Variants in HDAC9 observed in about 807,000 individuals in gnomAD.
The protein encoded by HDAC9 is MEF-2 interacting transcription repressor (MITR) protein.
HDAC9 carries 41 observed loss-of-function variants against 139.4 expected under a neutral mutation model. The observed-to-expected ratio is 0.29, with a 90% CI of 0.23 to 0.38. The LOEUF is 0.38. HDAC9 is among the 10% of genes least tolerant of loss of function. The probability of loss-of-function intolerance (pLI) is 1.00; values close to 1 mark genes in which losing one functional copy is unlikely to be tolerated. For missense variants in HDAC9, 1,147 were observed against 1,297.0 expected (o/e 0.88, Z 1.78); for synonymous variants, 517 against 476.2 (o/e 1.09, Z -1.12).
chr7:18,587,824 A>G (rs1476420927), intron 3 of HDAC9, among the ~76,000 whole-genome samples: 1 of 152,204 alleles, frequency 6.6e-6, no homozygotes, highest in Non-Finnish European at 1.5e-5. Context: ...AACCTCATTC[A>G]TGCAATCTTT....
At chr7:18,184,569 G>T (rs1178334) in intron 2 of HDAC9, among the ~76,000 whole-genome samples, 3 of 152,148 alleles carry the variant, frequency 2.0e-5, no homozygotes, top group Admixed American at 1.3e-4. Context: ...CTGAGGTAAG[G>T]TGAGGAATTT....
rs766231501 is a variant in HDAC9, at chr7:18,998,655, G to A, written c.*2593G>A. ...CTTTTTGAAAGGGTAGTTTCACTTG[G>A]TATAGTTTTTCTTCACTTACCCGTT... On this transcript the variant is annotated 3_prime_UTR_variant, in exon 26 of 26. Coordinates refer to ENST00000686413, the MANE Select transcript of HDAC9 (RefSeq NM_178425.4). 1 of 152,138 alleles carries A rather than the reference G, an allele frequency of 6.6e-6. No individual in the cohort carries two copies. Among genetic ancestry groups the A allele is most frequent in the East Asian group, 1.9e-4 (1 of 5,188 alleles). 9.4% of individuals were successfully genotyped at this position (152,138 alleles called of 1,614,324 possible).
At chr7:18,470,731 A>G (rs2128119479) in intron 1 of HDAC9, among the ~76,000 whole-genome samples, 1 of 152,300 alleles carries the variant, frequency 6.6e-6, no homozygotes, top group African/African-American at 2.4e-5. Flanking sequence ...GAATAGGCGG[A>G]AGGTTGAATT....
At chr7:18,482,417 A>AAAAAAAAAC in intron 1 of HDAC9, among the ~76,000 whole-genome samples, 1 of 139,596 alleles carries the variant, frequency 7.2e-6, no homozygotes, top group Non-Finnish European at 1.5e-5. Context: ...AAAAAAAAAA[A>AAAAAAAAAC]TTCTCCTTGG....
At chr7:18,867,156 G>A (rs1798558438) in intron 21 of HDAC9, among the ~76,000 whole-genome samples, 1 of 152,186 alleles carries the variant, frequency 6.6e-6, no homozygotes, top group Non-Finnish European at 1.5e-5. Context: ...GAGACATGCA[G>A]GGAAGAAGGA....
chr7:18,318,957 T>G (rs940279548), intron 1 of HDAC9, among the ~76,000 whole-genome samples: 10 of 152,128 alleles, frequency 6.6e-5, no homozygotes, highest in African/African-American at 2.2e-4. Context: ...ATCCAAGAAA[T>G]GCAGTATCTC....
chr7:18,234,492 AAGC>A (rs1233669566), intron 2 of HDAC9, among the ~76,000 whole-genome samples: 2 of 152,198 alleles, frequency 1.3e-5, no homozygotes, highest in African/African-American at 4.8e-5. Context: ...TATTAATAAA[AAGC>A]AGCTAACCTT....
chr7:18,186,607 TGGGAAGCCA>T (rs1401822281), intron 2 of HDAC9, among the ~76,000 whole-genome samples: 2 of 152,114 alleles, frequency 1.3e-5, no homozygotes, highest in African/African-American at 4.8e-5. Context: ...ATGTCAGGAG[TGGGAAGCCA>T]GGAAAATTTG....
intron 16 of HDAC9, among the ~76,000 whole-genome samples, chr7:18,770,572 G>C (rs1032413253): frequency 6.6e-6 from 1 of 152,132 alleles, no homozygotes; most frequent in Non-Finnish European, 1.5e-5. Context: ...AGGACGAGCA[G>C]GCTTTTATGA....
At chr7:18,882,364 C>T (rs1799801240) in intron 22 of HDAC9, among the ~76,000 whole-genome samples, 1 of 151,956 alleles carries the variant, frequency 6.6e-6, no homozygotes. Flanking sequence ...GAATTGTATT[C>T]AGGGAAGTCA....
chr7:18,882,594 C>G lies in HDAC9; in HGVS notation c.2803+7998C>G, dbSNP rs182660482. On this transcript the variant is annotated intron_variant, in intron 22 of 25. Coordinates refer to ENST00000686413, the MANE Select transcript of HDAC9 (RefSeq NM_178425.4). Reference sequence around the variant, plus strand: ...GGTATTGGAAAATATTTGTTCGGATCTCAAATATGTTTCTCACTAATTTTG... The same window carrying G: ...GGTATTGGAAAATATTTGTTCGGATGTCAAATATGTTTCTCACTAATTTTG... Among the ~76,000 whole-genome samples, 503 of 151,194 alleles carry G rather than the reference C, an allele frequency of 3.3e-3. 2 individuals carry two copies. Among genetic ancestry groups the G allele is most frequent in the African/African-American group, 0.012 (483 of 41,150 alleles).
rs183241888 is a variant in HDAC9 at position 18,516,172 on chromosome 7, G to A, written c.22+19848G>A. On this transcript the variant is annotated intron_variant, in intron 2 of 25. Coordinates refer to ENST00000686413, the MANE Select transcript of HDAC9 (RefSeq NM_178425.4). ...TGCCTGCGGGCCTCTTTCTAGTAGG[G>A]CCACATTGTGTCATCCTAATTTATT... 8.5e-5 allele frequency among the ~76,000 whole-genome samples: 13 copies of A among 152,202 alleles called. No homozygotes were observed. In the East Asian group the frequency reaches 2.5e-3, roughly 29 times the overall value.
At chr7:18,762,351 A>T (rs1789465035) in intron 15 of HDAC9, 74 bp downstream of exon 15, 2 of 1,543,874 alleles carry the variant, frequency 1.3e-6, no homozygotes, top group Admixed American at 3.6e-5. Context: ...GTGTCAGTTC[A>T]AAATACTTGG....
At chr7:18,743,290 A>C (rs1402080337) in intron 13 of HDAC9, among the ~76,000 whole-genome samples, 2 of 152,136 alleles carry the variant, frequency 1.3e-5, no homozygotes, top group Non-Finnish European at 2.9e-5. Context: ...TATGTTGGGA[A>C]TTTCTTCTAC....
At chr7:18,914,211 T>A (rs906911997) in intron 22 of HDAC9, among the ~76,000 whole-genome samples, 1 of 151,612 alleles carries the variant, frequency 6.6e-6, no homozygotes, top group Non-Finnish European at 1.5e-5. Context: ...CCTATCAATC[T>A]GATTTTCTTC....
intron 1 of HDAC9, among the ~76,000 whole-genome samples, chr7:18,447,258 C>T (rs541891734): frequency 6.6e-6 from 1 of 152,186 alleles, no homozygotes; most frequent in East Asian, 1.9e-4. Context: ...AAATAACCCC[C>T]ATGTGAAGAA....
intron 11 of HDAC9, among the ~76,000 whole-genome samples, chr7:18,650,735 T>A (rs1052695828): frequency 6.6e-6 from 1 of 152,192 alleles, no homozygotes; most frequent in Admixed American, 6.6e-5. Context: ...ACCTATACTT[T>A]TAGGTACATG....
At chr7:18,767,022 T>G (rs984439396) in intron 15 of HDAC9, 84 bp from the exon 16 acceptor site, 9 of 587,942 alleles carry the variant, frequency 1.5e-5, no homozygotes, top group Non-Finnish European at 2.3e-5. Flanking sequence ...ATGTGACATA[T>G]TATTATGTGT....
chr7:18,230,767 A>G (rs1249246566), intron 2 of HDAC9, among the ~76,000 whole-genome samples: 1 of 152,206 alleles, frequency 6.6e-6, no homozygotes, highest in Non-Finnish European at 1.5e-5. Flanking sequence ...AGTAGTTTTA[A>G]AAGTTGATTT....
Sources: allele counts gnomAD v4.1 joint callset (sites outside exome capture counted in the v4.1 genomes callset), GRCh38; gene constraint gnomAD v4.1.1; transcripts MANE v1.5; gene names NCBI Gene and HGNC (gene_info 2026-07-23, HGNC 2026-07-21).